The following TNPO3 variants were observed in gnomAD, a reference collection of about 807,000 sequenced individuals.
TNPO3 encodes transportin-3.
A neutral mutation model predicts 122.8 loss-of-function variants in TNPO3; 65 were observed. The observed-to-expected ratio is 0.53, with a 90% confidence interval of 0.43 to 0.65. The LOEUF (loss-of-function observed/expected upper bound fraction) is 0.65, where lower values mean the gene tolerates loss of function less well. TNPO3 is among the 30% of genes least tolerant of loss of function. The probability of loss-of-function intolerance (pLI) is 0.00; values close to 1 mark genes in which losing one functional copy is unlikely to be tolerated. For missense variants in TNPO3, 850 were observed against 1,136.7 expected (o/e 0.75, Z 3.63); for synonymous variants, 372 against 411.2 (o/e 0.90, Z 1.15).
chr7:128,993,489 G>T (rs909314953), intron 9 of TNPO3, among the ~76,000 whole-genome samples: 4 of 152,150 alleles, frequency 2.6e-5, no homozygotes, highest in Non-Finnish European at 4.4e-5. Flanking sequence ...TCCTGGCTAG[G>T]TCCAAATTCC....
At chr7:129,026,835 C>G (rs1400503846) in intron 1 of TNPO3, among the ~76,000 whole-genome samples, 1 of 152,212 alleles carries the variant, frequency 6.6e-6, no homozygotes, top group African/African-American at 2.4e-5. Flanking sequence ...CTCTGTCACT[C>G]AGGCTGGAGG....
intron 1 of TNPO3, chr7:129,041,728 A>G: frequency 1.0e-6 from 1 of 985,502 alleles, no homozygotes; most frequent in Non-Finnish European, 1.2e-6. Context: ...CTGCAACAAG[A>G]GAACATTTTC....
chr7:129,037,242 G>A (rs1362638426), intron 1 of TNPO3, among the ~76,000 whole-genome samples: 4 of 152,122 alleles, frequency 2.6e-5, no homozygotes, highest in African/African-American at 7.2e-5. Flanking sequence ...ACTGCTTTCC[G>A]TAAGTTAACA....
chr7:128,987,602 A>AC (rs1800299833), intron 11 of TNPO3, among the ~76,000 whole-genome samples: 1 of 152,238 alleles, frequency 6.6e-6, no homozygotes, highest in Admixed American at 6.5e-5. Context: ...GTTTTTGGGG[A>AC]CGGAGCCTCA....
chr7:128,992,107 G>A lies in TNPO3; in HGVS notation c.1267-17C>T, dbSNP rs1188694182. The A allele has an allele frequency of 2.1e-6, 3 of 1,430,990 alleles. No homozygotes were observed. The highest frequency in any genetic ancestry group is 1.4e-5 in the African/African-American group (1 of 69,146). The allele number at this position is 1,430,990 out of a possible 1,614,324, so 88.6% of individuals were successfully genotyped here. On this transcript the variant is annotated splice_polypyrimidine_tract_variant and intron_variant, in intron 9 of 22. Transcript: ENST00000265388. ...AGAATATAACTAGAGAAGAAGAGGT[G>A]GATTATGGATCCATTAAAAGGAAAA...
chr7:129,027,465 G>A (rs1479446139), intron 1 of TNPO3, among the ~76,000 whole-genome samples: 10 of 147,090 alleles, frequency 6.8e-5, no homozygotes, highest in African/African-American at 5.0e-5. Context: ...GGAGGCTGAG[G>A]CAGGAGAATC....
intron 14 of TNPO3, among the ~76,000 whole-genome samples, chr7:128,981,851 C>T (rs1192650340): frequency 4.6e-5 from 7 of 152,034 alleles, no homozygotes; most frequent in Admixed American, 4.6e-4. Context: ...ACCTCAGCCT[C>T]CCAAATAGCT....
At chr7:129,017,091 G>T in intron 2 of TNPO3, 35 bp from the exon 3 acceptor site, 1 of 1,555,532 alleles carries the variant, frequency 6.4e-7, no homozygotes, top group East Asian at 2.2e-5. Context: ...GAAGACAGAT[G>T]AACAGAAATA....
intron 4 of TNPO3, among the ~76,000 whole-genome samples, chr7:129,010,997 C>A (rs1803126990): frequency 6.6e-6 from 1 of 151,974 alleles, no homozygotes; most frequent in Admixed American, 6.6e-5. Flanking sequence ...CTTAATTATC[C>A]TAAGGGCGGT....
At chr7:128,958,307 C>T (rs117366486) in intron 21 of TNPO3, among the ~76,000 whole-genome samples, 6,737 of 152,122 alleles carry the variant, frequency 0.044, 204 homozygotes, top group Middle Eastern at 0.1. Context: ...CCACGCCCGA[C>T]TATTTTTTTG....
chr7:128,997,603 A>C, intron 7 of TNPO3, 68 bp from the exon 8 acceptor site: 1 of 1,319,804 alleles, frequency 7.6e-7, no homozygotes, highest in Non-Finnish European at 1.1e-6. Context: ...TTTTATTATC[A>C]CCACGACCAT....
At chr7:128,996,708 A>G (rs1801360614) in intron 8 of TNPO3, among the ~76,000 whole-genome samples, 1 of 134,666 alleles carries the variant, frequency 7.4e-6, no homozygotes, top group Non-Finnish European at 1.5e-5. Flanking sequence ...ACGCCACTGC[A>G]CTCCAGCCTG....
intron 1 of TNPO3, chr7:129,041,595 C>G: frequency 1.0e-6 from 1 of 985,478 alleles, no homozygotes; most frequent in Middle Eastern, 5.2e-4. Flanking sequence ...CCAGGTGCTA[C>G]CCACTGAAAT....
Position 129,003,683 on chromosome 7 carries a change from C to T in TNPO3, c.696+1333G>A, listed in dbSNP as rs145387947. ...CACCCTGACTCCCTGTGACACTCCC[C>T]CTAAAAAGAAAAAAAGTAGCATGAT... On this transcript the variant is annotated intron_variant, in intron 5 of 22. Transcript: ENST00000265388. 6.3e-3 allele frequency among the ~76,000 whole-genome samples: 958 copies of T among 151,428 alleles called. 45 individuals are homozygous for T. The highest frequency in any genetic ancestry group is 0.059 in the Admixed American group (898 of 15,214).
intron 18 of TNPO3, among the ~76,000 whole-genome samples, chr7:128,973,547 T>C (rs979024115): frequency 4.0e-5 from 6 of 150,518 alleles, no homozygotes; most frequent in African/African-American, 1.5e-4. Flanking sequence ...CCATCCTGGC[T>C]AACACAGTGA....
chr7:129,044,403 G>T (rs1332295199), intron 1 of TNPO3, among the ~76,000 whole-genome samples: 3 of 152,192 alleles, frequency 2.0e-5, no homozygotes, highest in African/African-American at 7.2e-5. Context: ...GAATTGTGCT[G>T]TGGGCTTGAG....
intron 10 of TNPO3, among the ~76,000 whole-genome samples, chr7:128,991,691 AAC>A (rs1225477326): frequency 6.6e-6 from 1 of 152,232 alleles, no homozygotes; most frequent in East Asian, 1.9e-4. Flanking sequence ...CCAACAATTA[AAC>A]AGTCTAACAA....
chr7:129,023,864 AC>A (rs1475534877), intron 1 of TNPO3, among the ~76,000 whole-genome samples: 3 of 152,212 alleles, frequency 2.0e-5, no homozygotes, highest in African/African-American at 7.2e-5. Context: ...TTTGGCACCA[AC>A]CTAACAGCAT....
chr7:129,020,597 AC>A (rs1396626559), intron 1 of TNPO3, among the ~76,000 whole-genome samples: 2 of 151,722 alleles, frequency 1.3e-5, no homozygotes, highest in Non-Finnish European at 2.9e-5. Flanking sequence ...CTGCTACCAC[AC>A]CCGGCTAATT....
Sources: allele counts gnomAD v4.1 joint callset (sites outside exome capture counted in the v4.1 genomes callset), GRCh38; gene constraint gnomAD v4.1.1; transcripts MANE v1.5; gene names NCBI Gene and HGNC (gene_info 2026-07-23, HGNC 2026-07-21).